The following XKRX variants were observed in gnomAD, a reference collection of about 807,000 sequenced individuals.
The protein encoded by XKRX is XK related X-linked.
XKRX carries 11 observed loss-of-function variants against 22.4 expected under a neutral mutation model. That is an observed-to-expected ratio of 0.49 (90% CI 0.31 to 0.81). XKRX has a LOEUF of 0.81. Among genes scored for constraint, XKRX ranks in the 40% least tolerant of loss-of-function variants. The pLI is 0.05. For synonymous variants in XKRX, 114 were observed against 132.2 expected (o/e 0.86, Z 0.94); for missense variants, 320 against 336.5 (o/e 0.95, Z 0.38).
intron 2 of XKRX, among the ~76,000 whole-genome samples, chrX:100,916,328 T>C (rs1412047166): frequency 1.8e-5 from 2 of 112,291 alleles, no homozygotes; most frequent in Non-Finnish European, 3.8e-5. Context: ...TTTCTCTACA[T>C]TTCTCTATTT....
chrX:100,950,044 A>G, the XKRX span, among the ~76,000 whole-genome samples: 5 of 112,367 alleles, frequency 4.4e-5, no homozygotes, highest in South Asian at 3.7e-4. Context: ...GAACTTGAAT[A>G]TAGAACAACA....
At chrX:100,938,415 G>A in the XKRX span, among the ~76,000 whole-genome samples, 2 of 111,372 alleles carry the variant, frequency 1.8e-5, no homozygotes, top group Non-Finnish European at 3.8e-5. Context: ...GATCACCTGA[G>A]GTCAGGAGTT....
At chrX:100,917,670 AAAGAAAAGAAAGAAAG>A (rs1442597020) in intron 2 of XKRX, among the ~76,000 whole-genome samples, 2 of 40,597 alleles carry the variant, frequency 4.9e-5, no homozygotes, top group South Asian at 1.5e-3. Context: ...AGAAAGAAAG[AAAGAAAAGAAAGAAAG>A]AAAGAAAGAA....
downstream of XKRX, chrX:100,911,634 A>T (rs1219146095): frequency 2.4e-6 from 1 of 411,417 alleles, no homozygotes; most frequent in Non-Finnish European, 4.3e-6. Flanking sequence ...TAAAATGGTT[A>T]AAAAAAGATT....
rs1311659725 is a variant in XKRX, at chrX:100,913,614, A to G, written c.*724T>C. On this transcript the variant is annotated 3_prime_UTR_variant, in exon 3 of 3. Transcript: ENST00000372956. ...TGAGAGGCTTCACTTAACAATTCCAATAGACAAGCTGGAGGCCCATGCAGG... is the reference window on the plus strand; with the variant it reads ...TGAGAGGCTTCACTTAACAATTCCAGTAGACAAGCTGGAGGCCCATGCAGG... The G allele has an allele frequency of 8.9e-6, 1 of 112,358 alleles. No homozygotes were observed. The highest frequency in any genetic ancestry group is 9.5e-5 in the Admixed American group (1 of 10,578). The allele number at this position is 112,358 out of a possible 1,213,427, so 9.3% of individuals were successfully genotyped here. A position where few individuals can be genotyped will look rare whatever the true frequency, so the allele number is the denominator to read the frequency against.
chrX:100,917,698 G>GAAAGAAAGAAAGAAAGAA (rs2085450421), intron 2 of XKRX, among the ~76,000 whole-genome samples: 1 of 102,344 alleles, frequency 9.8e-6, no homozygotes, highest in South Asian at 4.6e-4. Context: ...AAGAAAGAAA[G>GAAAGAAAGAAAGAAAGAA]AAAGAAAGAA....
the XKRX span, among the ~76,000 whole-genome samples, chrX:100,944,821 C>T: frequency 8.9e-6 from 1 of 111,976 alleles, no homozygotes; most frequent in Non-Finnish European, 1.9e-5. Flanking sequence ...TCCACAACAA[C>T]AGCAGTTCAT....
chrX:100,900,892 C>T, the XKRX span, among the ~76,000 whole-genome samples: 10 of 106,958 alleles, frequency 9.3e-5, no homozygotes, highest in Non-Finnish European at 1.9e-4. Flanking sequence ...CGGGTTCACG[C>T]CATTCTCCTG....
At chrX:100,932,037 G>A (rs1233512484), upstream of XKRX, among the ~76,000 whole-genome samples, 1 of 111,572 alleles carries the variant, frequency 9.0e-6, no homozygotes, top group Non-Finnish European at 1.9e-5. Flanking sequence ...CCTTATTACT[G>A]TACTTTTGTT....
downstream of XKRX, chrX:100,910,604 A>T: frequency 1.4e-5 from 3 of 212,629 alleles, no homozygotes; most frequent in Non-Finnish European, 2.5e-5. Context: ...AAAAAAAAAG[A>T]TTTCAGAGAG....
chrX:100,925,429 T>C (rs961817372), intron 1 of XKRX, among the ~76,000 whole-genome samples: 1 of 112,093 alleles, frequency 8.9e-6, no homozygotes, highest in African/African-American at 3.2e-5. Flanking sequence ...GTATAATTTA[T>C]GAGTTTTTAT....
At chrX:100,911,751 T>C (rs1383608360), downstream of XKRX, among the ~76,000 whole-genome samples, 1 of 112,174 alleles carries the variant, frequency 8.9e-6, no homozygotes, top group Non-Finnish European at 1.9e-5. Flanking sequence ...CTCCTGTGTA[T>C]CTGGAGGATT....
chrX:100,889,486 G>T, the XKRX span, among the ~76,000 whole-genome samples: 595 of 109,830 alleles, frequency 5.4e-3, 5 homozygotes, highest in African/African-American at 0.019. Flanking sequence ...ATCTTCCTGC[G>T]TCAGCCTTGC....
rs1466627501 is a variant in XKRX, at chrX:100,923,840, T to TC, written c.336-780_336-779insG. Among the ~76,000 whole-genome samples, 5 of 99,182 alleles carry TC rather than the reference T, an allele frequency of 5.0e-5. No homozygotes were observed. In the East Asian group the frequency reaches 1.3e-3, roughly 25 times the overall value. The allele number at this position is 99,182 out of a possible 115,157, so 86.1% of individuals were successfully genotyped here. A position where few individuals can be genotyped will look rare whatever the true frequency, so the allele number is the denominator to read the frequency against. On this transcript the variant is annotated intron_variant, in intron 1 of 2. Transcript: ENST00000372956. ...TGCTTTTTCTTTTTCTTTCTTTCTT[T>TC]TTTTTTTTTTTTTTGAGACAGAGTC...
rs1325734337 is a variant in XKRX at position 100,922,866 on chromosome X, G to A, written c.531C>T (p.Phe177=). Residue 177 remains phenylalanine (F), a synonymous_variant, in exon 2 of 3, where the codon TTC becomes TTT. Coordinates refer to ENST00000372956, the MANE Select transcript of XKRX (RefSeq NM_212559.3). ...AYKRMSQIQA[F]LGSVPQLTYQ... Reference sequence around the variant, plus strand: ...AGGTCAGCTGGGGCACTGAGCCCAGGAAGGCTTGGATCTGTGACATACGTT... The same window carrying A: ...AGGTCAGCTGGGGCACTGAGCCCAGAAAGGCTTGGATCTGTGACATACGTT... The A allele has an allele frequency of 8.3e-7, 1 of 1,211,261 alleles. No homozygotes were observed. The highest frequency in any genetic ancestry group is 3.0e-5 in the East Asian group (1 of 33,811).
chrX:100,909,614 T>C (rs973887904), downstream of XKRX, among the ~76,000 whole-genome samples: 1 of 111,631 alleles, frequency 9.0e-6, no homozygotes, highest in Non-Finnish European at 1.9e-5. Flanking sequence ...AATGAAATAA[T>C]GCATATAGGC....
the XKRX span, among the ~76,000 whole-genome samples, chrX:100,955,438 C>T: frequency 3.6e-5 from 4 of 111,543 alleles, no homozygotes; most frequent in African/African-American, 9.8e-5. Context: ...TTTGAGAGGC[C>T]GAGGCGGGTG....
the XKRX span, among the ~76,000 whole-genome samples, chrX:100,958,422 G>A: frequency 1.8e-5 from 2 of 111,894 alleles, no homozygotes; most frequent in Non-Finnish European, 3.8e-5. Context: ...TTTTGCTTTC[G>A]ATTTTCTCAT....
the XKRX span, among the ~76,000 whole-genome samples, chrX:100,939,398 T>C: frequency 3.6e-5 from 4 of 112,082 alleles, no homozygotes; most frequent in South Asian, 7.4e-4. Context: ...GAGGCAATGT[T>C]TTGGCTCAGC....
Sources: gnomAD v4.1 joint callset for allele counts (sites outside exome capture counted in the v4.1 genomes callset) on GRCh38, gnomAD v4.1.1 for gene constraint, MANE v1.5 for transcripts, NCBI Gene and HGNC (gene_info 2026-07-23, HGNC 2026-07-21) for gene names.